MEGF8: variants seen among roughly 807,000 people sequenced by gnomAD.
MEGF8 encodes the protein multiple epidermal growth factor-like domains protein 8.
In MEGF8, 156 loss-of-function variants were observed where a neutral mutation model predicts 302.9. The ratio of observed to expected loss-of-function variants is 0.52; its 90% CI spans 0.45 to 0.59. MEGF8 has a LOEUF of 0.59. Among genes scored for constraint, MEGF8 ranks in the 20% least tolerant of loss-of-function variants. The pLI is 0.00. For synonymous variants in MEGF8, 1,621 were observed against 1,660.5 expected, an observed-to-expected ratio of 0.98 and a Z score of 0.58; for missense variants, 3,345 against 3,964.5, an observed-to-expected ratio of 0.84 and a Z score of 4.20.
chr19:42,371,378 T>A lies in MEGF8; in HGVS notation c.7165T>A (p.Cys2389Ser). 6.2e-7 allele frequency: 1 copy of A among 1,613,848 alleles called. No individual in the cohort carries two copies. The highest frequency in any genetic ancestry group is 8.5e-7 in the Non-Finnish European group (1 of 1,179,854). The change falls in exon 41 of 42, where the codon TGT becomes AGT. Residue 2389 changes from cysteine (C) to serine (S), a missense_variant. Transcript: ENST00000251268. ...CCAGTGTAATGGCCACGCGGACACA[T>A]GTAACGAGCAGGATGGGACGGGCTG... ...KCQCNGHADTCNEQDGTGCPC... is the reference protein window; with the variant it reads ...KCQCNGHADTSNEQDGTGCPC...
At chr19:42,366,584 C>T (rs1272305663) in intron 35 of MEGF8, among the ~76,000 whole-genome samples, 1 of 152,238 alleles carries the variant, frequency 6.6e-6, no homozygotes, top group Non-Finnish European at 1.5e-5. Flanking sequence ...TCCTTCCTCT[C>T]ATCCTCCCTC....
At chr19:42,332,260 G>A (rs966585508) in intron 1 of MEGF8, among the ~76,000 whole-genome samples, 3 of 152,264 alleles carry the variant, frequency 2.0e-5, no homozygotes, top group Non-Finnish European at 4.4e-5. Context: ...GGACATCCAG[G>A]AAGGTCCCTC....
In MEGF8 at chr19:42,344,210, T is replaced by C. The variant is rs1000730344; in HGVS notation, c.1788+137T>C. On this transcript the variant is annotated intron_variant, in intron 10 of 41. Coordinates refer to ENST00000251268, the MANE Select transcript of MEGF8 (RefSeq NM_001271938.2). The surrounding 1 kb of genome is among the most constrained non-coding windows in gnomAD (Gnocchi z 4.5). ...CATGCCGGAGATCCTCCTTCCTGATTCCTGACTGCGGAGCCCTGAACCTTT... is the reference window on the plus strand; with the variant it reads ...CATGCCGGAGATCCTCCTTCCTGATCCCTGACTGCGGAGCCCTGAACCTTT... 10 of 1,356,288 alleles carry C rather than the reference T, an allele frequency of 7.4e-6. No individual in the cohort carries two copies. Among genetic ancestry groups the C allele is most frequent in the Admixed American group, 5.0e-5 (2 of 40,098 alleles). 84.0% of individuals were successfully genotyped at this position (1,356,288 alleles called of 1,614,324 possible).
rs984775370 is a variant in MEGF8, at chr19:42,377,007, G to C, written c.*232G>C. Reference sequence around the variant, plus strand: ...TGGGGCAAAGCAGGAACCAAGAGACGAGGTTCCCTGATCTCATGGGACTTA... The same window carrying C: ...TGGGGCAAAGCAGGAACCAAGAGACCAGGTTCCCTGATCTCATGGGACTTA... On this transcript the variant is annotated 3_prime_UTR_variant, in exon 42 of 42. Transcript: ENST00000251268. 2 of 454,602 alleles carry C rather than the reference G, an allele frequency of 4.4e-6. No individual in the cohort carries two copies. The highest frequency in any genetic ancestry group is 7.6e-6 in the Non-Finnish European group (2 of 264,480). 28.2% of individuals were successfully genotyped at this position (454,602 alleles called of 1,614,324 possible).
At chr19:42,350,721 C>G (rs1454428047) in intron 15 of MEGF8, among the ~76,000 whole-genome samples, 1 of 152,162 alleles carries the variant, frequency 6.6e-6, no homozygotes, top group East Asian at 1.9e-4. Flanking sequence ...CTCTTGTTCC[C>G]TGGGAGGGTT....
chr19:42,329,100 G>A (rs1473806182), intron 1 of MEGF8, among the ~76,000 whole-genome samples: 2 of 152,204 alleles, frequency 1.3e-5, no homozygotes, highest in African/African-American at 4.8e-5. Flanking sequence ...CTATGAAGAC[G>A]TGAGGGTGGC....
intron 8 of MEGF8, among the ~76,000 whole-genome samples, chr19:42,339,749 C>A (rs1463476267): frequency 6.6e-6 from 1 of 152,214 alleles, no homozygotes; most frequent in East Asian, 1.9e-4. Flanking sequence ...TATCCCCAAA[C>A]AACAATCTGT....
intron 13 of MEGF8, 119 bp downstream of exon 13, chr19:42,348,591 C>A: frequency 1.0e-6 from 1 of 999,314 alleles, no homozygotes; most frequent in Non-Finnish European, 1.4e-6. Context: ...AAATTAGAGG[C>A]AGGAGATGGA....
Position 42,357,116 on chromosome 19 carries a change from C to T in MEGF8, c.4830+135C>T. The T allele has an allele frequency of 9.9e-7, 1 of 1,007,780 alleles. No individual in the cohort carries two copies. The highest frequency in any genetic ancestry group is 1.4e-6 in the Non-Finnish European group (1 of 699,528). 62.4% of individuals were successfully genotyped at this position (1,007,780 alleles called of 1,614,324 possible). ...TTGAATTTCCTCGGCCATCCTGGGT[C>T]ACACTGTTGTCCTGAGCCAGTCCTG... On this transcript the variant is annotated intron_variant, in intron 27 of 41. Transcript: ENST00000251268. The surrounding 1 kb of genome is among the most constrained non-coding windows in gnomAD (Gnocchi z 5.2).
rs1192829633 is a variant in MEGF8 at position 42,370,697 on chromosome 19, C to G, written c.7006-4C>G. ...CTATGATCACACTGTCCTTCCTTGG[C>G]CAGATTGAAAACTGGGTGACAGAGG... On this transcript the variant is annotated splice_region_variant and splice_polypyrimidine_tract_variant and intron_variant, in intron 39 of 41. Coordinates refer to ENST00000251268, the MANE Select transcript of MEGF8 (RefSeq NM_001271938.2). 5 of 1,592,338 alleles carry G rather than the reference C, an allele frequency of 3.1e-6. No homozygotes were observed. Among genetic ancestry groups the G allele is most frequent in the Non-Finnish European group, 3.4e-6 (4 of 1,169,530 alleles).
Position 42,370,728 on chromosome 19 carries a change from A to G in MEGF8, c.7033A>G (p.Ser2345Gly), listed in dbSNP as rs1016429941. Residue 2345 changes from serine (S) to glycine (G), a missense_variant, in exon 40 of 42, where the codon AGT (serine) becomes GGT (glycine). Transcript: ENST00000251268. ...TGAAAACTGGGTGACAGAGGGTCCT[A>G]GTGAAGACGAGGCCGTGTGCGTGAA... ...EIENWVTEGP[S>G]EDEAVCVNCQ... 50 of 1,590,458 alleles carry G rather than the reference A, an allele frequency of 3.1e-5. No homozygotes were observed. Among genetic ancestry groups the G allele is most frequent in the Non-Finnish European group, 4.3e-5 (50 of 1,168,588 alleles).
chr19:42,370,729 G>C lies in MEGF8; in HGVS notation c.7034G>C (p.Ser2345Thr). ...EIENWVTEGPSEDEAVCVNCQ... is the reference protein window; with the variant it reads ...EIENWVTEGPTEDEAVCVNCQ... ...GAAAACTGGGTGACAGAGGGTCCTA[G>C]TGAAGACGAGGCCGTGTGCGTGAAC... The change falls in exon 40 of 42, where the codon AGT becomes ACT. Residue 2345 changes from serine (S) to threonine (T), a missense_variant. By Grantham distance (58) the Ser-to-Thr change is moderately conservative (BLOSUM62 1). Transcript: ENST00000251268. The C allele has an allele frequency of 1.3e-6, 2 of 1,591,360 alleles. No homozygotes were observed. The highest frequency in any genetic ancestry group is 1.7e-6 in the Non-Finnish European group (2 of 1,168,990).
intron 35 of MEGF8, among the ~76,000 whole-genome samples, chr19:42,364,885 A>G (rs2039582255): frequency 1.3e-5 from 2 of 152,228 alleles, no homozygotes; most frequent in South Asian, 4.1e-4. Flanking sequence ...GCATAGAGCA[A>G]TGCCTGCCAT....
intron 1 of MEGF8, among the ~76,000 whole-genome samples, chr19:42,328,673 C>A (rs1412716930): frequency 1.3e-5 from 2 of 151,790 alleles, no homozygotes; most frequent in African/African-American, 4.8e-5. Context: ...CGGTGGCTCA[C>A]GCCTGTAATC....
At position 42,357,546 on chromosome 19, in the gene MEGF8, C is replaced by T. The variant is rs1039354000; in HGVS notation, c.4973C>T (p.Thr1658Ile). The T allele has an allele frequency of 6.2e-7, 1 of 1,612,888 alleles. No individual in the cohort carries two copies. The highest frequency in any genetic ancestry group is 1.3e-5 in the African/African-American group (1 of 75,010). Residue 1658 changes from threonine to isoleucine, a missense_variant, in exon 28 of 42, where the codon ACC (threonine) becomes ATC (isoleucine). By Grantham distance (89) the Thr-to-Ile change is moderately conservative (BLOSUM62 -1). Transcript: ENST00000251268. This position sits in a 1 kb window ranked among gnomAD's most constrained non-coding sequence, Gnocchi z 5.2. Reference protein sequence around the residue: ...QLLEYQLATGTWVSGAQSGTP... With the variant: ...QLLEYQLATGIWVSGAQSGTP... ...CTGGAGTACCAGCTGGCAACCGGCA[C>T]CTGGGTGTCAGGAGCCCAGAGTGGG... is the stretch of plus-strand genomic sequence containing the variant.
rs137950266 is a variant in MEGF8 at position 42,357,280 on chromosome 19, C to T, written c.4831-124C>T. 8.8e-4 allele frequency: 1,098 copies of T among 1,246,094 alleles called. 10 individuals are homozygous for T. The African/African-American group carries it at 0.012, about 13-fold the overall frequency. The allele number at this position is 1,246,094 out of a possible 1,614,324, so 77.2% of individuals were successfully genotyped here. A position where few individuals can be genotyped will look rare whatever the true frequency, so the allele number is the denominator to read the frequency against. ...CAGGACCCAGGCTGGTCCGACTGGC[C>T]CTGGGGGGGTCATTCCCTCCTTAGT... On this transcript the variant is annotated intron_variant, in intron 27 of 41. Transcript: ENST00000251268. The surrounding 1 kb of genome is among the most constrained non-coding windows in gnomAD (Gnocchi z 5.2).
chr19:42,372,430 T>C (rs771226244), intron 41 of MEGF8, among the ~76,000 whole-genome samples: 46 of 152,154 alleles, frequency 3.0e-4, no homozygotes, highest in Non-Finnish European at 5.7e-4. Flanking sequence ...GCCTCCATGA[T>C]GTCCCAGGCT....
chr19:42,339,105 A>G (rs1211340345), intron 8 of MEGF8, among the ~76,000 whole-genome samples: 2 of 152,132 alleles, frequency 1.3e-5, no homozygotes, highest in African/African-American at 4.8e-5. Context: ...AATTGCTGGG[A>G]TTACAGGCGT....
chr19:42,360,450 A>C (rs2039515398), intron 31 of MEGF8, among the ~76,000 whole-genome samples: 1 of 147,712 alleles, frequency 6.8e-6, no homozygotes, highest in Non-Finnish European at 1.5e-5. Context: ...GGCTCAAGTG[A>C]TCCTCCTAAT....
Sources: allele counts gnomAD v4.1 joint callset (sites outside exome capture counted in the v4.1 genomes callset), GRCh38; gene constraint gnomAD v4.1.1; non-coding constraint Gnocchi (gnomAD v3.1); transcripts MANE v1.5; gene names NCBI Gene and HGNC (gene_info 2026-07-23, HGNC 2026-07-21).